The following C17orf114 variants were observed in gnomAD, a reference collection of about 807,000 sequenced individuals.
C17orf114 encodes uncharacterized protein C17orf114.
chr17:4,806,808 G>A (rs1381371461), upstream of C17orf114: 4 of 150,532 alleles, frequency 2.7e-5, no homozygotes, highest in Non-Finnish European at 4.4e-5. Flanking sequence ...CGCGGCTGGA[G>A]GGGCCCGGGG....
At chr17:4,802,869 G>C (rs1809591105), upstream of C17orf114, among the ~76,000 whole-genome samples, 1 of 152,150 alleles carries the variant, frequency 6.6e-6, no homozygotes, top group South Asian at 2.1e-4. Flanking sequence ...TGCTGTGTCA[G>C]GTAAATGCTA....
upstream of C17orf114, chr17:4,806,980 C>G (rs1035282082): frequency 1.3e-5 from 2 of 150,518 alleles, no homozygotes; most frequent in Non-Finnish European, 3.0e-5. Flanking sequence ...CACAGGGCGG[C>G]CCCCTGCCCG....
intron 1 of C17orf114, among the ~76,000 whole-genome samples, chr17:4,801,799 C>T (rs535602010): frequency 2.0e-5 from 3 of 151,022 alleles, no homozygotes; most frequent in East Asian, 2.0e-4. Context: ...GGCACTATTT[C>T]GGCTCACTGC....
chr17:4,803,747 A>G (rs1478886687), upstream of C17orf114, among the ~76,000 whole-genome samples: 2 of 148,968 alleles, frequency 1.3e-5, no homozygotes. Flanking sequence ...TTTGAGATGG[A>G]GTCTTGCTCT....
At chr17:4,803,455 C>A (rs867470708), upstream of C17orf114, among the ~76,000 whole-genome samples, 1 of 110,368 alleles carries the variant, frequency 9.1e-6, no homozygotes, top group Non-Finnish European at 1.7e-5. Flanking sequence ...GACAGAGTCT[C>A]GCTCTGTCAC....
At chr17:4,803,346 T>G (rs560899321), upstream of C17orf114, among the ~76,000 whole-genome samples, 1 of 150,318 alleles carries the variant, frequency 6.7e-6, no homozygotes, top group East Asian at 2.0e-4. Flanking sequence ...ATTAGCCGAG[T>G]AGGAACCATG....
upstream of C17orf114, among the ~76,000 whole-genome samples, chr17:4,805,299 G>C (rs1905640560): frequency 6.6e-6 from 1 of 151,778 alleles, no homozygotes. Context: ...CGTGGTGGCA[G>C]GTGCCTGTAA....
exon 2 of C17orf114, chr17:4,801,281 C>T (rs1422101651): frequency 2.5e-6 from 1 of 398,644 alleles, no homozygotes. Context: ...ACCTCCTCGT[C>T]GTCCCCTTCA....
At chr17:4,803,196 G>A (rs764052290), upstream of C17orf114, among the ~76,000 whole-genome samples, 4 of 151,982 alleles carry the variant, frequency 2.6e-5, no homozygotes, top group Non-Finnish European at 5.9e-5. Context: ...TGGGATTACA[G>A]GTGTGAGCCA....
At chr17:4,804,837 G>A (rs1020682889), upstream of C17orf114, among the ~76,000 whole-genome samples, 13 of 151,740 alleles carry the variant, frequency 8.6e-5, no homozygotes, top group African/African-American at 3.1e-4. Flanking sequence ...GCCCGCCTCG[G>A]CCTCCCAAAG....
upstream of C17orf114, among the ~76,000 whole-genome samples, chr17:4,805,339 G>C (rs1226775585): frequency 6.6e-6 from 1 of 151,954 alleles, no homozygotes; most frequent in Admixed American, 6.6e-5. Flanking sequence ...TGAGGCAGGA[G>C]AGAACCCGGG....
chr17:4,804,126 C>G (rs1400446027), upstream of C17orf114, among the ~76,000 whole-genome samples: 1 of 152,124 alleles, frequency 6.6e-6, no homozygotes, highest in Non-Finnish European at 1.5e-5. Flanking sequence ...AGGCTGGGAG[C>G]ATCTAGTCAA....
upstream of C17orf114, among the ~76,000 whole-genome samples, chr17:4,806,151 A>AAT (rs2150664511): frequency 6.6e-6 from 1 of 152,380 alleles, no homozygotes; most frequent in East Asian, 1.9e-4. Flanking sequence ...ACACCCATTA[A>AAT]ATGGCCAACG....
upstream of C17orf114, among the ~76,000 whole-genome samples, chr17:4,804,495 C>CGCCCAG (rs1004493927): frequency 6.6e-6 from 1 of 151,874 alleles, no homozygotes; most frequent in Non-Finnish European, 1.5e-5. Context: ...TGAGCCACTG[C>CGCCCAG]GCCCAGCCAC....
chr17:4,801,834 G>C (rs1281486521), intron 1 of C17orf114, among the ~76,000 whole-genome samples: 3 of 151,750 alleles, frequency 2.0e-5, no homozygotes, highest in Non-Finnish European at 4.4e-5. Context: ...GGGTTCAAGT[G>C]ATTCTCCTGC....
chr17:4,801,422 G>A (rs1216858037), exon 2 of C17orf114: 6 of 398,864 alleles, frequency 1.5e-5, no homozygotes, highest in Non-Finnish European at 2.7e-5. Flanking sequence ...GGCTATAGCT[G>A]GACTGGGATC....
At chr17:4,804,208 CTTT>C (rs35137655), upstream of C17orf114, among the ~76,000 whole-genome samples, 6 of 141,492 alleles carry the variant, frequency 4.2e-5, no homozygotes, top group African/African-American at 5.2e-5. Flanking sequence ...TTTCTTTTTT[CTTT>C]TTTTTTTTTT....
upstream of C17orf114, among the ~76,000 whole-genome samples, chr17:4,803,959 T>C (rs1379961758): frequency 2.6e-5 from 4 of 151,660 alleles, no homozygotes; most frequent in African/African-American, 4.8e-5. Flanking sequence ...TGACCTCAAG[T>C]GATCTGCCTG....
rs139251237 is a variant in C17orf114 at position 4,802,301 on chromosome 17, A to T, written c.19T>A (p.Trp7Arg). Residue 7 changes from tryptophan to arginine, a missense_variant, in exon 1 of 2, where the codon TGG becomes AGG. By Grantham distance (101) the Trp-to-Arg change is moderately radical. Coordinates refer to ENST00000635921, the Ensembl canonical transcript of C17orf114. The stretch of plus-strand genomic sequence containing the variant: ...CGGCACCCGCACCATGGGAAACACC[A>T]TGCCCCCTTCAGACCCATCTCAACA... 1,179 of 399,418 alleles carry T rather than the reference A, an allele frequency of 3.0e-3. 5 individuals carry two copies. The highest frequency in any genetic ancestry group is 3.3e-3 in the Non-Finnish European group (740 of 226,366). 24.7% of individuals were successfully genotyped at this position (399,418 alleles called of 1,614,324 possible). A position where few individuals can be genotyped will look rare whatever the true frequency, so the allele number is the denominator to read the frequency against.
Sources: gnomAD v4.1 joint callset for allele counts (sites outside exome capture counted in the v4.1 genomes callset) on GRCh38, gnomAD v4.1.1 for gene constraint, MANE v1.5 for transcripts, NCBI Gene and HGNC (gene_info 2026-07-23, HGNC 2026-07-21) for gene names.